Variants in CCDC171 observed in about 807,000 individuals in gnomAD.
CCDC171 encodes coiled-coil domain containing 171.
In CCDC171, 177 loss-of-function variants were observed where a neutral mutation model predicts 168.2. The ratio of observed to expected loss-of-function variants is 1.05; its 90% CI spans 0.93 to 1.19. The LOEUF (loss-of-function observed/expected upper bound fraction) is 1.19. CCDC171 is among the 50% of genes most tolerant of loss of function. CCDC171 has a pLI of 0.00. For synonymous variants in CCDC171, 687 were observed against 540.8 expected (o/e 1.27, Z -3.75); for missense variants, 1,991 against 1,539.0 (o/e 1.29, Z -4.91).
upstream of CCDC171, among the ~76,000 whole-genome samples, chr9:16,040,063 T>A (rs1220099313): frequency 3.9e-5 from 6 of 152,092 alleles, no homozygotes; most frequent in African/African-American, 1.4e-4. Context: ...CTCACAGAGT[T>A]GTTGTTAATG....
rs150483016 is a variant in CCDC171, at chr9:15,889,079, C to T, written c.3600+14416C>T. The T allele has an allele frequency of 6.6e-5, 10 of 151,010 alleles. No individual in the cohort carries two copies. In the East Asian group the frequency reaches 1.8e-3, roughly 27 times the overall value. 9.4% of individuals were successfully genotyped at this position (151,010 alleles called of 1,614,324 possible). A position where few individuals can be genotyped will look rare whatever the true frequency, so the allele number is the denominator to read the frequency against. Reference sequence around the variant, plus strand: ...GTTTAAGCGACTCTCCTGCCTCAGCCTCCACAATAACTGGGACCACAGGTG... The same window carrying T: ...GTTTAAGCGACTCTCCTGCCTCAGCTTCCACAATAACTGGGACCACAGGTG... On this transcript the variant is annotated intron_variant, in intron 24 of 25. Transcript: ENST00000380701.
rs558528107 is a variant in CCDC171, at chr9:15,922,783, C to T, written c.3753+2361C>T. On this transcript the variant is annotated intron_variant, in intron 25 of 25. Coordinates refer to ENST00000380701, the MANE Select transcript of CCDC171 (RefSeq NM_173550.4). The stretch of plus-strand genomic sequence containing the variant: ...TTGTAACAGGAGTGAGGTGATATCT[C>T]ATTGTGGTTTTCATTTGCATTTCCC... Among the ~76,000 whole-genome samples, 508 of 151,646 alleles carry T rather than the reference C, an allele frequency of 3.3e-3. 4 individuals are homozygous for T. Among genetic ancestry groups the T allele is most frequent in the African/African-American group, 0.012 (480 of 41,456 alleles).
chr9:15,941,311 G>A (rs1827709772), intron 25 of CCDC171, among the ~76,000 whole-genome samples: 1 of 151,978 alleles, frequency 6.6e-6, no homozygotes, highest in Non-Finnish European at 1.5e-5. Flanking sequence ...CTCGCCGGTA[G>A]CGATTCAATA....
rs975173612 is a variant in CCDC171 at position 15,873,796 on chromosome 9, C to G, written c.3469-736C>G. ...AGTGTGATATCAACTGCATGTGATT[C>G]CATACTGACTAGAGAATTGGTGTTT... On this transcript the variant is annotated intron_variant, in intron 23 of 25. Transcript: ENST00000380701. Among the ~76,000 whole-genome samples, 3 of 152,052 alleles carry G rather than the reference C, an allele frequency of 2.0e-5. No individual in the cohort carries two copies. The East Asian group carries it at 5.8e-4, about 29-fold the overall frequency.
rs201523010 is a variant in CCDC171, at chr9:15,744,299, C to T, written c.2076C>T (p.Asn692=). Residue 692 remains asparagine, a synonymous_variant, in exon 17 of 26, where the codon AAC becomes AAT. Coordinates refer to ENST00000380701, the MANE Select transcript of CCDC171 (RefSeq NM_173550.4). ...AQKFQEIAEK[N]MEKLNHIEKS... Reference sequence around the variant, plus strand: ...AATTTCAAGAAATTGCTGAAAAAAACATGGAAAAATTGAACCATATTGAGA... The same window carrying T: ...AATTTCAAGAAATTGCTGAAAAAAATATGGAAAAATTGAACCATATTGAGA... The T allele has an allele frequency of 2.0e-5, 31 of 1,582,106 alleles. No individual in the cohort carries two copies. The highest frequency in any genetic ancestry group is 2.4e-5 in the South Asian group (2 of 84,854).
intron 2 of CCDC171, among the ~76,000 whole-genome samples, chr9:15,570,568 G>A (rs2040145073): frequency 6.6e-6 from 1 of 152,152 alleles, no homozygotes; most frequent in East Asian, 1.9e-4. Context: ...ATGACTGGAA[G>A]CTCAGTGTGT....
At chr9:15,774,901 C>T (rs919941125) in intron 18 of CCDC171, among the ~76,000 whole-genome samples, 2 of 152,284 alleles carry the variant, frequency 1.3e-5, no homozygotes, top group South Asian at 4.1e-4. Context: ...GGGAGCTAAG[C>T]TATGAGGATG....
intron 18 of CCDC171, among the ~76,000 whole-genome samples, chr9:15,774,200 C>G (rs10962150): frequency 7.8e-6 from 1 of 128,952 alleles, no homozygotes; most frequent in Non-Finnish European, 1.5e-5. Context: ...GACCCGAGAT[C>G]TCATCATTGC....
intron 10 of CCDC171, among the ~76,000 whole-genome samples, chr9:15,681,342 A>G (rs2050027229): frequency 6.6e-6 from 1 of 152,138 alleles, no homozygotes; most frequent in African/African-American, 2.4e-5. Flanking sequence ...AGTGATGTAC[A>G]GTTGATGTGG....
chr9:16,023,117 G>A (rs914397024), intron 6 of CCDC171, among the ~76,000 whole-genome samples: 5 of 151,464 alleles, frequency 3.3e-5, no homozygotes, highest in Non-Finnish European at 5.9e-5. Context: ...TTTTTTAAAT[G>A]GAGTCTCACT....
chr9:16,038,607 TAAAG>T (rs371305107), upstream of CCDC171, among the ~76,000 whole-genome samples: 108 of 151,042 alleles, frequency 7.2e-4, no homozygotes, highest in African/African-American at 2.5e-3. Context: ...AAAGAGGAAA[TAAAG>T]AAATCAGAAT....
chr9:15,664,700 T>TG (rs1196621847), intron 8 of CCDC171, among the ~76,000 whole-genome samples: 2 of 146,742 alleles, frequency 1.4e-5, no homozygotes, highest in African/African-American at 5.1e-5. Flanking sequence ...TTTTGTTTTT[T>TG]TTTTTTTTTT....
At chr9:15,758,528 G>A (rs142167337) in intron 18 of CCDC171, among the ~76,000 whole-genome samples, 6 of 152,148 alleles carry the variant, frequency 3.9e-5, no homozygotes, top group Non-Finnish European at 7.3e-5. Flanking sequence ...GTGGACTTTT[G>A]AGTTAATGCC....
Position 15,972,084 on chromosome 9 carries a change from G to A in CCDC171, c.*248G>A. ...ATGTAACATATTTTTAAATGTTAAG[G>A]AATGACACATTTTGGGTAATTTCCC... On this transcript the variant is annotated 3_prime_UTR_variant, in exon 26 of 26. Transcript: ENST00000380701. 1 of 454,344 alleles carries A rather than the reference G, an allele frequency of 2.2e-6. No individual in the cohort carries two copies. The highest frequency in any genetic ancestry group is 3.9e-6 in the Non-Finnish European group (1 of 257,454). The allele number at this position is 454,344 out of a possible 1,614,324, so 28.1% of individuals were successfully genotyped here. A position where few individuals can be genotyped will look rare whatever the true frequency, so the allele number is the denominator to read the frequency against.
intron 21 of CCDC171, among the ~76,000 whole-genome samples, chr9:15,804,615 G>T (rs1047592468): frequency 6.6e-6 from 1 of 152,052 alleles, no homozygotes; most frequent in African/African-American, 2.4e-5. Context: ...GCTTTTTGAT[G>T]TGCTGCTGGA....
chr9:15,617,465 C>T (rs1386919158), intron 6 of CCDC171, among the ~76,000 whole-genome samples: 1 of 151,672 alleles, frequency 6.6e-6, no homozygotes, highest in East Asian at 1.9e-4. Context: ...CAAGCTCCGC[C>T]TCCTGGGTTC....
chr9:16,037,769 A>G (rs980928166), intron 8 of CCDC171, among the ~76,000 whole-genome samples: 1 of 152,178 alleles, frequency 6.6e-6, no homozygotes, highest in Non-Finnish European at 1.5e-5. Context: ...ATTTAATTCC[A>G]ATTCAGAATG....
intron 5 of CCDC171, among the ~76,000 whole-genome samples, chr9:15,592,983 A>G (rs2042099365): frequency 6.6e-6 from 1 of 151,878 alleles, no homozygotes; most frequent in South Asian, 2.1e-4. Context: ...TTAACTTGTC[A>G]TTTAGCATTA....
intron 24 of CCDC171, among the ~76,000 whole-genome samples, chr9:15,914,592 G>T (rs116822116): frequency 6.6e-6 from 1 of 152,130 alleles, no homozygotes; most frequent in Admixed American, 6.5e-5. Flanking sequence ...TTCCATGGGG[G>T]CGGTCTCTTC....
Sources: gnomAD v4.1 joint callset for allele counts (sites outside exome capture counted in the v4.1 genomes callset) on GRCh38, gnomAD v4.1.1 for gene constraint, MANE v1.5 for transcripts, NCBI Gene and HGNC (gene_info 2026-07-23, HGNC 2026-07-21) for gene names.